The following ANKS1A variants were observed in gnomAD, a reference collection of about 807,000 sequenced individuals.
ANKS1A encodes the protein ankyrin repeat and sterile alpha motif domain containing 1A, also known as ankyrin repeat and SAM domain-containing protein 1A.
A neutral mutation model predicts 120.3 loss-of-function variants in ANKS1A; 55 were observed. The ratio of observed to expected loss-of-function variants is 0.46; its 90% CI spans 0.37 to 0.57. ANKS1A has a LOEUF of 0.57. Among genes scored for constraint, ANKS1A ranks in the 20% least tolerant of loss-of-function variants. The pLI, the probability that ANKS1A is intolerant of heterozygous loss-of-function variation, is 0.00. For synonymous variants in ANKS1A, 590 were observed against 604.7 expected, an observed-to-expected ratio of 0.98 and a Z score of 0.36; for missense variants, 1,123 against 1,480.3, an observed-to-expected ratio of 0.76 and a Z score of 3.96.
chr6:35,079,001 C>T (rs1777517417), intron 14 of ANKS1A, among the ~76,000 whole-genome samples: 1 of 152,166 alleles, frequency 6.6e-6, no homozygotes, highest in East Asian at 1.9e-4. Flanking sequence ...TCACTGGAGC[C>T]CTGGCCAGCC....
rs1777718106 is a variant in ANKS1A, at chr6:35,082,167, C to T, written c.2710-524C>T. Among the ~76,000 whole-genome samples the T allele has an allele frequency of 6.6e-6, 1 of 152,102 alleles. No homozygotes were observed. Among genetic ancestry groups the T allele is most frequent in the South Asian group, 2.1e-4 (1 of 4,814 alleles). On this transcript the variant is annotated intron_variant, in intron 17 of 23. Coordinates refer to ENST00000360359, the MANE Select transcript of ANKS1A (RefSeq NM_015245.3). The surrounding 1 kb of genome is among the most constrained non-coding windows in gnomAD (Gnocchi z 4.1). ...CTGGACAGGGACCCATGATCTCTCA[C>T]CTGGACCGCAGTGGCCTCCCCCACC...
At chr6:35,042,870 T>A (rs1250600102) in intron 11 of ANKS1A, among the ~76,000 whole-genome samples, 1 of 152,256 alleles carries the variant, frequency 6.6e-6, no homozygotes, top group Non-Finnish European at 1.5e-5. Flanking sequence ...TAATGTATCC[T>A]CCATGGTTAT....
intron 11 of ANKS1A, among the ~76,000 whole-genome samples, chr6:35,041,040 A>G (rs1237373798): frequency 2.0e-5 from 3 of 152,224 alleles, no homozygotes; most frequent in African/African-American, 7.2e-5. Flanking sequence ...AAAATGGGAA[A>G]CTGAGAGGTT....
At chr6:34,896,720 T>C in intron 1 of ANKS1A, among the ~76,000 whole-genome samples, 1 of 152,026 alleles carries the variant, frequency 6.6e-6, no homozygotes, top group Non-Finnish European at 1.5e-5. Context: ...ATCCCGGCAC[T>C]TTGGGAGGCT....
chr6:35,056,320 G>A (rs1330053754), intron 12 of ANKS1A, among the ~76,000 whole-genome samples: 2 of 152,130 alleles, frequency 1.3e-5, no homozygotes, highest in East Asian at 1.9e-4. Flanking sequence ...ACGGAGTCTC[G>A]CTCTTTCGCC....
chr6:35,056,288 T>TTTG (rs1277390763), intron 12 of ANKS1A, among the ~76,000 whole-genome samples: 37 of 152,272 alleles, frequency 2.4e-4, no homozygotes, highest in African/African-American at 7.9e-4. Flanking sequence ...TTGTTTTATT[T>TTTG]TTGTTGTTGT....
intron 1 of ANKS1A, among the ~76,000 whole-genome samples, chr6:34,890,697 G>A (rs531071575): frequency 1.3e-5 from 2 of 152,276 alleles, no homozygotes; most frequent in South Asian, 4.1e-4. Context: ...GGGATTGGGG[G>A]TGCTTTGTTA....
intron 1 of ANKS1A, among the ~76,000 whole-genome samples, chr6:34,934,136 TTTTA>T (rs745667922): frequency 1.3e-5 from 2 of 151,978 alleles, no homozygotes; most frequent in African/African-American, 4.8e-5. Flanking sequence ...GGCACTTTAT[TTTTA>T]TTTATTTATT....
chr6:34,943,309 T>C (rs1288308565), intron 1 of ANKS1A, among the ~76,000 whole-genome samples: 1 of 152,182 alleles, frequency 6.6e-6, no homozygotes, highest in South Asian at 2.1e-4. Flanking sequence ...AGAGTTCCCA[T>C]ATACTTCTTC....
At position 35,090,070 on chromosome 6, in the gene ANKS1A, GAGGCC is replaced by G; in HGVS notation, c.*1467_*1471del. On this transcript the variant is annotated 3_prime_UTR_variant, in exon 24 of 24. Coordinates refer to ENST00000360359, the MANE Select transcript of ANKS1A (RefSeq NM_015245.3). ...GTGGGGCTGTGTCTCTGACTGGCTA[GAGGCC>G]AGGCCTTGTGGGTTTCTATCTGCTA... 1 of 1,274,484 alleles carries G rather than the reference GAGGCC, an allele frequency of 7.8e-7. No homozygotes were observed. The highest frequency in any genetic ancestry group is 2.4e-5 in the Admixed American group (1 of 42,514). The allele number at this position is 1,274,484 out of a possible 1,614,324, so 78.9% of individuals were successfully genotyped here.
chr6:35,036,023 C>T (rs1775151422), intron 11 of ANKS1A, among the ~76,000 whole-genome samples: 2 of 152,192 alleles, frequency 1.3e-5, no homozygotes, highest in Admixed American at 6.5e-5. Flanking sequence ...GTGAATGGCT[C>T]TAGTTTTCCC....
chr6:34,934,358 C>T (rs1356317050), intron 1 of ANKS1A, among the ~76,000 whole-genome samples: 1 of 152,114 alleles, frequency 6.6e-6, no homozygotes, highest in African/African-American at 2.4e-5. Flanking sequence ...CTGTGTTAGC[C>T]AGGACGGTCT....
intron 13 of ANKS1A, among the ~76,000 whole-genome samples, chr6:35,073,113 G>A (rs1777159785): frequency 6.6e-6 from 1 of 152,216 alleles, no homozygotes; most frequent in Admixed American, 6.5e-5. Flanking sequence ...TGGGTGTGAA[G>A]CCCCTAGCAC....
At chr6:35,096,023 G>T (rs1194560859), downstream of ANKS1A, among the ~76,000 whole-genome samples, 1 of 152,006 alleles carries the variant, frequency 6.6e-6, no homozygotes, top group East Asian at 1.9e-4. Flanking sequence ...TTTATTAGAG[G>T]GCCTCACTCC....
chr6:35,051,603 T>C (rs958138473), intron 11 of ANKS1A, among the ~76,000 whole-genome samples: 1 of 152,184 alleles, frequency 6.6e-6, no homozygotes, highest in Non-Finnish European at 1.5e-5. Flanking sequence ...CAATAGGTTC[T>C]CTATTTACCA....
Position 34,981,932 on chromosome 6 carries a change from C to T in ANKS1A, c.678C>T (p.Gly226=). 1.2e-6 allele frequency: 2 copies of T among 1,614,162 alleles called. No homozygotes were observed. Among genetic ancestry groups the T allele is most frequent in the Non-Finnish European group, 1.7e-6 (2 of 1,180,026 alleles). The part of the protein sequence containing the change: ...HTPLHLAARN[G]HKAVVQVLLD... ...CTCTGCACTTGGCAGCAAGGAATGG[C>T]CACAAAGCCGTGGTCCAGGTCCTCC... The change falls in exon 4 of 24, where the codon GGC becomes GGT. Residue 226 remains glycine (G), a synonymous_variant. Coordinates refer to ENST00000360359, the MANE Select transcript of ANKS1A (RefSeq NM_015245.3).
downstream of ANKS1A, among the ~76,000 whole-genome samples, chr6:35,092,369 G>A (rs951702951): frequency 2.6e-5 from 4 of 152,156 alleles, no homozygotes; most frequent in African/African-American, 9.7e-5. Flanking sequence ...AGTTGTTTAT[G>A]TCTAAAACTT....
intron 1 of ANKS1A, among the ~76,000 whole-genome samples, chr6:34,942,400 A>G (rs2127484723): frequency 1.3e-5 from 2 of 152,370 alleles, no homozygotes; most frequent in Admixed American, 1.3e-4. Context: ...TGAGGTTAGT[A>G]GCTTAAATGA....
intron 10 of ANKS1A, among the ~76,000 whole-genome samples, chr6:35,012,339 G>A (rs895546383): frequency 3.3e-5 from 5 of 152,236 alleles, no homozygotes; most frequent in Non-Finnish European, 7.3e-5. Context: ...TTCAGCAAGT[G>A]TCTGAATAAC....
Sources: allele counts gnomAD v4.1 joint callset (sites outside exome capture counted in the v4.1 genomes callset), GRCh38; gene constraint gnomAD v4.1.1; non-coding constraint Gnocchi (gnomAD v3.1); transcripts MANE v1.5; gene names NCBI Gene and HGNC (gene_info 2026-07-23, HGNC 2026-07-21).